PTPRN2: variants seen among roughly 807,000 people sequenced by gnomAD.
PTPRN2 encodes the protein receptor-type tyrosine-protein phosphatase N2.
Under a neutral mutation model 118.8 loss-of-function variants are expected in PTPRN2, and 74 were observed. That is an observed-to-expected ratio of 0.62 (90% CI 0.52 to 0.76). The LOEUF (loss-of-function observed/expected upper bound fraction) is 0.76, where lower values mean the gene tolerates loss of function less well. PTPRN2 is among the 30% of genes least tolerant of loss of function. The pLI is 0.00. For synonymous variants in PTPRN2, 641 were observed against 608.0 expected, an observed-to-expected ratio of 1.05 and a Z score of -0.80; for missense variants, 1,481 against 1,394.4, an observed-to-expected ratio of 1.06 and a Z score of -0.99.
intron 10 of PTPRN2, among the ~76,000 whole-genome samples, chr7:158,105,372 A>G (rs527709390): frequency 1.7e-3 from 249 of 145,326 alleles, no homozygotes; most frequent in Non-Finnish European, 2.9e-3. Context: ...CTCCATCCTC[A>G]TCCTAGCTCC....
intron 3 of PTPRN2, among the ~76,000 whole-genome samples, chr7:158,247,679 C>T (rs946047014): frequency 2.0e-5 from 3 of 152,154 alleles, no homozygotes; most frequent in Admixed American, 6.5e-5. Context: ...TGCTATGGTG[C>T]GATCTTGGCT....
At chr7:158,340,847 C>G (rs375521920) in intron 2 of PTPRN2, among the ~76,000 whole-genome samples, 47 of 35,356 alleles carry the variant, frequency 1.3e-3, no homozygotes, top group Middle Eastern at 0.023. Flanking sequence ...ACCATAAGAG[C>G]TGACACATGC....
At chr7:158,125,031 A>T (rs1817511076) in intron 9 of PTPRN2, among the ~76,000 whole-genome samples, 1 of 152,206 alleles carries the variant, frequency 6.6e-6, no homozygotes, top group Non-Finnish European at 1.5e-5. Context: ...GACAGCATGG[A>T]TGGAGCCATA....
intron 11 of PTPRN2, among the ~76,000 whole-genome samples, chr7:158,052,550 G>T (rs1347015526): frequency 6.6e-6 from 1 of 152,178 alleles, no homozygotes; most frequent in Non-Finnish European, 1.5e-5. Context: ...CCGCTGCTTT[G>T]CCTCGTGGGG....
intron 2 of PTPRN2, among the ~76,000 whole-genome samples, chr7:158,408,062 G>C (rs1222203446): frequency 6.6e-6 from 1 of 152,262 alleles, no homozygotes; most frequent in East Asian, 1.9e-4. Context: ...GAAAGGAAAA[G>C]GCAACACTTA....
chr7:157,892,763 T>C (rs1796878061), intron 12 of PTPRN2, among the ~76,000 whole-genome samples: 1 of 152,260 alleles, frequency 6.6e-6, no homozygotes, highest in African/African-American at 2.4e-5. Flanking sequence ...TTCTCCCATT[T>C]TCACCACTGC....
At chr7:158,320,565 C>T (rs938088211) in intron 2 of PTPRN2, among the ~76,000 whole-genome samples, 1 of 143,418 alleles carries the variant, frequency 7.0e-6, no homozygotes, top group Non-Finnish European at 1.5e-5. Context: ...CGCCGGGTGG[C>T]GTCCGTGTTC....
intron 11 of PTPRN2, among the ~76,000 whole-genome samples, chr7:158,073,345 T>A (rs1812086871): frequency 6.6e-6 from 1 of 152,220 alleles, no homozygotes; most frequent in Non-Finnish European, 1.5e-5. Context: ...ACCTGTGTGC[T>A]GGCTGGAAGT....
At chr7:157,569,804 C>A (rs1388838129) in intron 20 of PTPRN2, among the ~76,000 whole-genome samples, 5 of 152,218 alleles carry the variant, frequency 3.3e-5, no homozygotes, top group African/African-American at 1.2e-4. Context: ...GTGTTCACAC[C>A]CATGACTGGC....
At chr7:158,084,285 C>T (rs1259811170) in intron 10 of PTPRN2, among the ~76,000 whole-genome samples, 192 of 151,226 alleles carry the variant, frequency 1.3e-3, no homozygotes, top group African/African-American at 4.6e-3. Context: ...CACCACCCCC[C>T]ACCCCGCCCG....
intron 11 of PTPRN2, among the ~76,000 whole-genome samples, chr7:158,008,795 C>T (rs947079563): frequency 1.3e-5 from 2 of 152,212 alleles, no homozygotes; most frequent in East Asian, 1.9e-4. Flanking sequence ...TTCTCTTCCA[C>T]GCACGTGTCT....
chr7:158,315,731 C>CAT (rs1802264546), intron 3 of PTPRN2, among the ~76,000 whole-genome samples: 1 of 152,238 alleles, frequency 6.6e-6, no homozygotes, highest in Admixed American at 6.5e-5. Context: ...TGGTTGGAAA[C>CAT]ATTGTTGACA....
intron 6 of PTPRN2, among the ~76,000 whole-genome samples, chr7:158,146,470 C>A (rs1481785185): frequency 3.3e-5 from 5 of 151,916 alleles, no homozygotes; most frequent in African/African-American, 4.8e-5. Context: ...ACCTGTAATC[C>A]CAGCACTTTG....
chr7:158,074,349 G>A (rs980477590), intron 11 of PTPRN2, among the ~76,000 whole-genome samples: 49 of 152,214 alleles, frequency 3.2e-4, no homozygotes, highest in African/African-American at 1.0e-3. Context: ...AACAGAAGGC[G>A]CAGGGAGGTG....
intron 11 of PTPRN2, among the ~76,000 whole-genome samples, chr7:157,918,979 G>T (rs1307983968): frequency 2.6e-5 from 4 of 152,128 alleles, no homozygotes; most frequent in Non-Finnish European, 5.9e-5. Context: ...CCATCTTATT[G>T]ATAAAGAGGA....
chr7:157,778,166 T>C (rs1461018027), intron 12 of PTPRN2, among the ~76,000 whole-genome samples: 3 of 152,202 alleles, frequency 2.0e-5, no homozygotes, highest in East Asian at 1.9e-4. Flanking sequence ...GGCTAGGAAG[T>C]GAGGAAGGCA....
At chr7:157,704,179 C>T (rs926930299) in intron 12 of PTPRN2, among the ~76,000 whole-genome samples, 2 of 152,218 alleles carry the variant, frequency 1.3e-5, no homozygotes, top group African/African-American at 2.4e-5. Flanking sequence ...AGGCAAGTGG[C>T]TTCACTGCCC....
At chr7:158,354,174 G>C (rs1808214418) in intron 2 of PTPRN2, among the ~76,000 whole-genome samples, 1 of 152,194 alleles carries the variant, frequency 6.6e-6, no homozygotes, top group African/African-American at 2.4e-5. Context: ...CAAAAAGGAG[G>C]CTGCAACCTA....
At chr7:157,647,139 G>T (rs1318286755) in intron 14 of PTPRN2, among the ~76,000 whole-genome samples, 86 of 90,902 alleles carry the variant, frequency 9.5e-4, no homozygotes, top group African/African-American at 3.5e-3. Context: ...TGGTGGGTCG[G>T]ACCCATTCAC....
Sources: allele counts gnomAD v4.1 joint callset (sites outside exome capture counted in the v4.1 genomes callset), GRCh38; gene constraint gnomAD v4.1.1; transcripts MANE v1.5; gene names NCBI Gene and HGNC (gene_info 2026-07-23, HGNC 2026-07-21).